The following PTPRD variants were observed in gnomAD, a reference collection of about 807,000 sequenced individuals.
PTPRD encodes the protein protein tyrosine phosphatase receptor type D, also known as receptor-type tyrosine-protein phosphatase delta.
In PTPRD, 34 loss-of-function variants were observed where a neutral mutation model predicts 214.5. The observed-to-expected ratio is 0.16, with a 90% CI of 0.12 to 0.21. The LOEUF is 0.21. PTPRD is among the 10% of genes least tolerant of loss of function. The pLI, the probability that PTPRD is intolerant of heterozygous loss-of-function variation, is 1.00. For missense variants in PTPRD, 2,545 were observed against 2,398.7 expected (o/e 1.06, Z -1.27); for synonymous variants, 1,128 against 845.7 (o/e 1.33, Z -5.79).
At chr9:9,241,349 T>A (rs1418507910) in intron 9 of PTPRD, among the ~76,000 whole-genome samples, 1 of 152,172 alleles carries the variant, frequency 6.6e-6, no homozygotes, top group African/African-American at 2.4e-5. Context: ...GTATTCTCAT[T>A]TTTATGGCAA....
At chr9:9,419,856 G>A (rs2078145335) in intron 8 of PTPRD, among the ~76,000 whole-genome samples, 1 of 151,516 alleles carries the variant, frequency 6.6e-6, no homozygotes, top group Admixed American at 6.6e-5. Context: ...ATGCATTTAA[G>A]AAAAATATTT....
At chr9:10,423,759 G>A (rs754999965) in intron 2 of PTPRD, among the ~76,000 whole-genome samples, 2 of 151,862 alleles carry the variant, frequency 1.3e-5, no homozygotes, top group East Asian at 1.9e-4. Flanking sequence ...TACTCATACC[G>A]GAAAAATCAT....
chr9:9,009,929 G>C (rs989416569), intron 11 of PTPRD, among the ~76,000 whole-genome samples: 1 of 151,926 alleles, frequency 6.6e-6, no homozygotes, highest in Non-Finnish European at 1.5e-5. Flanking sequence ...GTGCCTCTAC[G>C]GAGGGATCCT....
intron 8 of PTPRD, among the ~76,000 whole-genome samples, chr9:9,557,668 C>G (rs753700656): frequency 1.6e-4 from 25 of 152,186 alleles, no homozygotes; most frequent in Non-Finnish European, 2.9e-4. Flanking sequence ...TCTCCACACC[C>G]CCTTATCTTA....
chr9:8,661,422 G>A (rs533022542), intron 12 of PTPRD, among the ~76,000 whole-genome samples: 1 of 152,004 alleles, frequency 6.6e-6, no homozygotes, highest in Admixed American at 6.6e-5. Flanking sequence ...TATCAAGGCA[G>A]TACTATGCCT....
intron 15 of PTPRD, chr9:8,528,014 C>G (rs1429289165): frequency 6.2e-6 from 1 of 160,482 alleles, no homozygotes; most frequent in Admixed American, 6.4e-5. Context: ...CATCTGGTTA[C>G]TCATGAGATA....
chr9:9,485,482 T>G (rs1297588768), intron 8 of PTPRD, among the ~76,000 whole-genome samples: 1 of 152,212 alleles, frequency 6.6e-6, no homozygotes, highest in African/African-American at 2.4e-5. Flanking sequence ...TTTCAATCTT[T>G]CTTCTCTGAA....
intron 11 of PTPRD, among the ~76,000 whole-genome samples, chr9:8,770,381 A>T (rs12348955): frequency 0.021 from 3,226 of 152,238 alleles, 114 homozygotes; most frequent in African/African-American, 0.074. Context: ...TTCTAATACA[A>T]TCAAATAATT....
chr9:10,493,102 C>G (rs957352306), intron 2 of PTPRD, among the ~76,000 whole-genome samples: 1 of 151,966 alleles, frequency 6.6e-6, no homozygotes, highest in African/African-American at 2.4e-5. Flanking sequence ...TAAGAGAGCA[C>G]AGAAACAAAT....
intron 11 of PTPRD, among the ~76,000 whole-genome samples, chr9:8,918,889 T>C (rs1214630165): frequency 2.6e-5 from 4 of 152,168 alleles, no homozygotes; most frequent in African/African-American, 9.7e-5. Flanking sequence ...TATTTGTTGC[T>C]TTTTGTTTGC....
intron 10 of PTPRD, among the ~76,000 whole-genome samples, chr9:9,046,771 G>A (rs1238100729): frequency 2.0e-5 from 3 of 152,200 alleles, no homozygotes; most frequent in African/African-American, 4.8e-5. Flanking sequence ...GCGTTGATAT[G>A]TATCAGTATA....
chr9:10,097,559 G>C (rs2154209332), intron 3 of PTPRD, among the ~76,000 whole-genome samples: 1 of 151,732 alleles, frequency 6.6e-6, no homozygotes, highest in African/African-American at 2.4e-5. Flanking sequence ...TGGTGTATAA[G>C]AACGCTTGTG....
chr9:9,504,085 C>T (rs1333863102), intron 8 of PTPRD, among the ~76,000 whole-genome samples: 1 of 151,686 alleles, frequency 6.6e-6, no homozygotes, highest in Non-Finnish European at 1.5e-5. Context: ...CATTGCAATA[C>T]CCTATTCCAA....
At chr9:9,464,973 G>A (rs566520975) in intron 8 of PTPRD, among the ~76,000 whole-genome samples, 2 of 152,284 alleles carry the variant, frequency 1.3e-5, no homozygotes, top group East Asian at 3.9e-4. Context: ...GGGTAGGGTT[G>A]TAAAGTACAG....
At chr9:9,437,298 C>G (rs1324232251) in intron 8 of PTPRD, among the ~76,000 whole-genome samples, 2 of 151,906 alleles carry the variant, frequency 1.3e-5, no homozygotes, top group African/African-American at 4.8e-5. Flanking sequence ...GAAGTTTTTT[C>G]AAAATGTATT....
At chr9:10,244,534 CA>C (rs1293777650) in intron 3 of PTPRD, among the ~76,000 whole-genome samples, 1 of 152,046 alleles carries the variant, frequency 6.6e-6, no homozygotes, top group Non-Finnish European at 1.5e-5. Context: ...TCATTTTTTA[CA>C]ACAAAAGTAG....
Position 8,668,100 on chromosome 9 carries a change from A to G in PTPRD, c.65-31256T>C, listed in dbSNP as rs12057096. On this transcript the variant is annotated intron_variant, in intron 12 of 45. Coordinates refer to ENST00000381196, the MANE Select transcript of PTPRD (RefSeq NM_002839.4). ...TGACCACTGGCTACCATGTTGTGCT[A>G]GTGTAAAAATATATCACCCTGGAAA... Among the ~76,000 whole-genome samples the G allele has an allele frequency of 2.0e-5, 3 of 152,298 alleles. No individual in the cohort carries two copies. The East Asian group carries it at 5.8e-4, about 29-fold the overall frequency.
intron 2 of PTPRD, among the ~76,000 whole-genome samples, chr9:10,528,566 T>C (rs75108763): frequency 0.031 from 4,669 of 152,266 alleles, 211 homozygotes; most frequent in African/African-American, 0.1. Flanking sequence ...GTATCATATG[T>C]ATACTCAGGG....
intron 12 of PTPRD, among the ~76,000 whole-genome samples, chr9:8,652,744 T>A (rs1180455316): frequency 6.6e-6 from 1 of 152,204 alleles, no homozygotes; most frequent in Non-Finnish European, 1.5e-5. Context: ...TCCCAAGTGT[T>A]TTTTTAGTGT....
Sources: gnomAD v4.1 joint callset for allele counts (sites outside exome capture counted in the v4.1 genomes callset) on GRCh38, gnomAD v4.1.1 for gene constraint, MANE v1.5 for transcripts, NCBI Gene and HGNC (gene_info 2026-07-23, HGNC 2026-07-21) for gene names.